GPC6: variants seen among roughly 807,000 people sequenced by gnomAD.
GPC6 encodes the protein glypican-6.
Under a neutral mutation model 55.2 loss-of-function variants are expected in GPC6, and 14 were observed. The observed-to-expected ratio is 0.25, with a 90% CI of 0.17 to 0.40. The LOEUF is 0.40. Ranked by LOEUF, GPC6 falls within the 10% of genes least tolerant of loss-of-function variation. The probability of loss-of-function intolerance (pLI) is 1.00; values close to 1 mark genes in which losing one functional copy is unlikely to be tolerated. For missense variants in GPC6, 641 were observed against 708.5 expected, an observed-to-expected ratio of 0.90 and a Z score of 1.08; for synonymous variants, 278 against 259.6, an observed-to-expected ratio of 1.07 and a Z score of -0.68.
chr13:94,363,245 C>T (rs1403987237), intron 6 of GPC6, among the ~76,000 whole-genome samples: 1 of 152,112 alleles, frequency 6.6e-6, no homozygotes, highest in Non-Finnish European at 1.5e-5. Flanking sequence ...GATTATTAAA[C>T]TTCAGTAAAA....
chr13:94,231,567 A>G (rs972455732), intron 4 of GPC6, among the ~76,000 whole-genome samples: 3 of 152,230 alleles, frequency 2.0e-5, no homozygotes, highest in African/African-American at 7.2e-5. Flanking sequence ...TCAATGCTAA[A>G]TGTTGTCATC....
At position 93,319,788 on chromosome 13, in the gene GPC6, A is replaced by C. The variant is rs146999913; in HGVS notation, c.160+92172A>C. Among the ~76,000 whole-genome samples the C allele has an allele frequency of 2.3e-3, 352 of 152,256 alleles. 2 individuals carry two copies. Among genetic ancestry groups the C allele is most frequent in the South Asian group, 0.018 (89 of 4,824 alleles). On this transcript the variant is annotated intron_variant, in intron 1 of 8. Coordinates refer to ENST00000377047, the MANE Select transcript of GPC6 (RefSeq NM_005708.5). ...ATCGCAAAATTTCAGAACGCTAGGCATGAAGACCAGATCACAGAGGCCTCT... is the reference window on the plus strand; with the variant it reads ...ATCGCAAAATTTCAGAACGCTAGGCCTGAAGACCAGATCACAGAGGCCTCT...
intron 4 of GPC6, among the ~76,000 whole-genome samples, chr13:94,088,599 GA>G (rs1885372684): frequency 1.4e-5 from 2 of 138,972 alleles, no homozygotes; most frequent in Non-Finnish European, 3.1e-5. Context: ...GGGGAGAGGA[GA>G]GGAGGGGAGG....
At chr13:93,819,884 T>C (rs1886985297) in intron 2 of GPC6, among the ~76,000 whole-genome samples, 1 of 152,212 alleles carries the variant, frequency 6.6e-6, no homozygotes, top group Non-Finnish European at 1.5e-5. Flanking sequence ...CAATCTAATG[T>C]GTAAAGGATC....
intron 2 of GPC6, among the ~76,000 whole-genome samples, chr13:93,552,819 C>G (rs1875231792): frequency 1.3e-5 from 2 of 152,190 alleles, no homozygotes; most frequent in African/African-American, 4.8e-5. Context: ...AATGAGCAGA[C>G]AAGTATCCTT....
chr13:93,563,333 A>G (rs979601320), intron 2 of GPC6, among the ~76,000 whole-genome samples: 2 of 152,164 alleles, frequency 1.3e-5, no homozygotes, highest in Admixed American at 6.5e-5. Context: ...TATAGCCACC[A>G]ACAGCGATCC....
chr13:93,771,918 T>C (rs922832820), intron 2 of GPC6, among the ~76,000 whole-genome samples: 1 of 152,200 alleles, frequency 6.6e-6, no homozygotes, highest in African/African-American at 2.4e-5. Flanking sequence ...CATTGTACCT[T>C]GTTCTGCCTG....
At chr13:94,261,070 T>C (rs1396518094) in intron 4 of GPC6, among the ~76,000 whole-genome samples, 1 of 152,090 alleles carries the variant, frequency 6.6e-6, no homozygotes, top group Non-Finnish European at 1.5e-5. Flanking sequence ...GGTCAGGAGT[T>C]CGAAACCAGC....
chr13:94,063,254 C>T (rs545770351), intron 4 of GPC6, among the ~76,000 whole-genome samples: 5 of 152,310 alleles, frequency 3.3e-5, no homozygotes, highest in Admixed American at 2.6e-4. Flanking sequence ...GTAAAACATG[C>T]TTGACTCTGC....
chr13:94,114,062 A>T (rs1231464473), intron 4 of GPC6, among the ~76,000 whole-genome samples: 1 of 126,452 alleles, frequency 7.9e-6, no homozygotes, highest in African/African-American at 2.9e-5. Context: ...CCATTCACCC[A>T]TTCATAGAAC....
chr13:94,075,204 T>C (rs759327935), intron 4 of GPC6, among the ~76,000 whole-genome samples: 3 of 152,204 alleles, frequency 2.0e-5, no homozygotes, highest in African/African-American at 4.8e-5. Flanking sequence ...GTCTTCAAAC[T>C]TTAGCATGGT....
chr13:93,227,642 A>AGGCGGCAGCCGAG lies in GPC6; in HGVS notation c.160+29_160+30insGGCAGCCGAGGGC. Reference sequence around the variant, plus strand: ...GTAAGCGCGGGCGCGCTGCAGGGGCAGGCTGCAGCCCTCGGCTGCCGCACG... The same window carrying AGGCGGCAGCCGAG: ...GTAAGCGCGGGCGCGCTGCAGGGGCAGGCGGCAGCCGAGGGCTGCAGCCCTCGGCTGCCGCACG... On this transcript the variant is annotated intron_variant, in intron 1 of 8. Transcript: ENST00000377047. This position sits in a 1 kb window ranked among gnomAD's most constrained non-coding sequence, Gnocchi z 4.3. 1 of 1,568,112 alleles carries AGGCGGCAGCCGAG rather than the reference A, an allele frequency of 6.4e-7. No homozygotes were observed. Among genetic ancestry groups the AGGCGGCAGCCGAG allele is most frequent in the Non-Finnish European group, 8.6e-7 (1 of 1,158,024 alleles).
intron 1 of GPC6, among the ~76,000 whole-genome samples, chr13:93,363,387 TG>T (rs1156649276): frequency 4.0e-5 from 6 of 151,886 alleles, no homozygotes; most frequent in Non-Finnish European, 8.8e-5. Context: ...ATGCGGTGTT[TG>T]GTTTTTTGTT....
At chr13:93,953,862 CA>C (rs1879374854) in intron 3 of GPC6, among the ~76,000 whole-genome samples, 1 of 152,132 alleles carries the variant, frequency 6.6e-6, no homozygotes, top group East Asian at 1.9e-4. Flanking sequence ...TTCTTCTATT[CA>C]AAAATGGACT....
intron 1 of GPC6, among the ~76,000 whole-genome samples, chr13:93,291,122 T>G (rs975311509): frequency 2.0e-5 from 3 of 152,158 alleles, no homozygotes; most frequent in Non-Finnish European, 4.4e-5. Flanking sequence ...ATGGCATTGA[T>G]GTAGGTTGAA....
At chr13:94,051,480 G>A (rs910176450) in intron 4 of GPC6, among the ~76,000 whole-genome samples, 1 of 152,010 alleles carries the variant, frequency 6.6e-6, no homozygotes, top group African/African-American at 2.4e-5. Context: ...TTTTCTCTCT[G>A]GCAATTACTC....
intron 1 of GPC6, among the ~76,000 whole-genome samples, chr13:93,260,885 T>C (rs1877122299): frequency 6.6e-6 from 1 of 152,112 alleles, no homozygotes; most frequent in Non-Finnish European, 1.5e-5. Context: ...TAGAATTTGA[T>C]TGTATTTTCT....
chr13:93,773,643 A>G (rs956446181), intron 2 of GPC6, among the ~76,000 whole-genome samples: 1 of 152,082 alleles, frequency 6.6e-6, no homozygotes, highest in Non-Finnish European at 1.5e-5. Flanking sequence ...TTTCTCACCT[A>G]CGTTTCACGG....
At chr13:93,788,438 T>A (rs1885882089) in intron 2 of GPC6, among the ~76,000 whole-genome samples, 1 of 151,954 alleles carries the variant, frequency 6.6e-6, no homozygotes, top group Non-Finnish European at 1.5e-5. Context: ...GGGGACACAT[T>A]CAAACCACAG....
Sources: gnomAD v4.1 joint callset for allele counts (sites outside exome capture counted in the v4.1 genomes callset) on GRCh38, gnomAD v4.1.1 for gene constraint, Gnocchi (gnomAD v3.1) non-coding constraint, MANE v1.5 for transcripts, NCBI Gene and HGNC (gene_info 2026-07-23, HGNC 2026-07-21) for gene names.